Variants in GALNT17 observed in about 807,000 individuals in gnomAD.
GALNT17 encodes UDP-GalNAc:polypeptide N-acetylgalactosaminyltransferase-like 3.
A neutral mutation model predicts 63.7 loss-of-function variants in GALNT17; 29 were observed. The ratio of observed to expected loss-of-function variants is 0.46; its 90% confidence interval spans 0.34 to 0.62. GALNT17 has a LOEUF of 0.62. Ranked by LOEUF, GALNT17 falls within the 20% of genes least tolerant of loss-of-function variation. GALNT17 has a pLI of 0.01. For synonymous variants in GALNT17, 305 were observed against 318.3 expected, an observed-to-expected ratio of 0.96 and a Z score of 0.45; for missense variants, 603 against 799.6, an observed-to-expected ratio of 0.75 and a Z score of 2.97.
At chr7:71,654,654 T>C (rs954254384) in intron 6 of GALNT17, among the ~76,000 whole-genome samples, 13 of 149,262 alleles carry the variant, frequency 8.7e-5, no homozygotes, top group Non-Finnish European at 1.6e-4. Flanking sequence ...AATTTCTTGT[T>C]GTTTCACTGT....
chr7:71,481,375 C>T (rs576066458), intron 5 of GALNT17, among the ~76,000 whole-genome samples: 2 of 152,212 alleles, frequency 1.3e-5, no homozygotes, highest in South Asian at 4.2e-4. Flanking sequence ...CGCTTGAACC[C>T]GGGAGGCAGA....
chr7:71,572,261 G>A (rs1162215167), intron 6 of GALNT17, among the ~76,000 whole-genome samples: 22 of 150,370 alleles, frequency 1.5e-4, no homozygotes, highest in African/African-American at 4.4e-4. Context: ...CAGGGACTTC[G>A]GAAACCAAAT....
At chr7:71,617,148 T>A (rs1790223202) in intron 6 of GALNT17, among the ~76,000 whole-genome samples, 1 of 149,926 alleles carries the variant, frequency 6.7e-6, no homozygotes, top group South Asian at 2.1e-4. Flanking sequence ...TTTATTTACT[T>A]ATTCATTTGC....
intron 5 of GALNT17, among the ~76,000 whole-genome samples, chr7:71,476,568 G>A (rs1315019625): frequency 6.6e-6 from 1 of 152,030 alleles, no homozygotes; most frequent in Non-Finnish European, 1.5e-5. Flanking sequence ...TATGGAGTGT[G>A]GCATTCAGCA....
intron 8 of GALNT17, among the ~76,000 whole-genome samples, chr7:71,671,796 C>T (rs551167832): frequency 1.6e-4 from 24 of 152,208 alleles, no homozygotes; most frequent in African/African-American, 3.4e-4. Flanking sequence ...GAGGCCAAGG[C>T]GGGTGATCAC....
intron 1 of GALNT17, among the ~76,000 whole-genome samples, chr7:71,239,306 A>ACCC (rs1583788682): frequency 1.3e-4 from 15 of 113,332 alleles, no homozygotes; most frequent in East Asian, 4.8e-4. Context: ...CCCCCCCCCA[A>ACCC]AAAAAAATAA....
intron 1 of GALNT17, among the ~76,000 whole-genome samples, chr7:71,277,366 TA>T (rs1033159033): frequency 4.6e-5 from 7 of 152,046 alleles, no homozygotes; most frequent in African/African-American, 2.4e-5. Context: ...GGCATGAGGG[TA>T]GGAAAACCAC....
chr7:71,602,191 G>C (rs961495914), intron 6 of GALNT17, among the ~76,000 whole-genome samples: 3 of 152,222 alleles, frequency 2.0e-5, no homozygotes, highest in African/African-American at 7.2e-5. Flanking sequence ...ATCAAAATGC[G>C]TAGAGTATTT....
At chr7:71,153,212 A>G (rs1053484561) in intron 1 of GALNT17, among the ~76,000 whole-genome samples, 2 of 152,242 alleles carry the variant, frequency 1.3e-5, no homozygotes, top group African/African-American at 2.4e-5. Context: ...CCTAACATCA[A>G]TGAGCCTCAG....
intron 6 of GALNT17, among the ~76,000 whole-genome samples, chr7:71,573,963 A>G (rs1167843448): frequency 6.6e-6 from 1 of 152,156 alleles, no homozygotes; most frequent in African/African-American, 2.4e-5. Context: ...TTCGATTAGG[A>G]TAATGGCCTC....
intron 1 of GALNT17, among the ~76,000 whole-genome samples, chr7:71,220,887 T>C (rs1215140179): frequency 2.6e-5 from 4 of 152,172 alleles, no homozygotes; most frequent in African/African-American, 9.7e-5. Flanking sequence ...TACACCCCCC[T>C]CTGTATTAGT....
intron 5 of GALNT17, among the ~76,000 whole-genome samples, chr7:71,448,118 C>T (rs1486416568): frequency 6.6e-6 from 1 of 152,192 alleles, no homozygotes; most frequent in Non-Finnish European, 1.5e-5. Flanking sequence ...AATTTGAAGA[C>T]AATATTCCAT....
chr7:71,147,031 G>A (rs1452498015), intron 1 of GALNT17, among the ~76,000 whole-genome samples: 1 of 152,190 alleles, frequency 6.6e-6, no homozygotes, highest in African/African-American at 2.4e-5. Context: ...TGGTGAAAGA[G>A]CATGAATTTG....
rs144241274 is a variant in GALNT17, at chr7:71,192,460, A to G, written c.238+59420A>G. ...ACCCAGGCTAGAATGCAGTGATGCA[A>G]TCTCAGCTCACTGCAGCCTCTGCCT... On this transcript the variant is annotated intron_variant, in intron 1 of 10. Coordinates refer to ENST00000333538, the MANE Select transcript of GALNT17 (RefSeq NM_022479.3). Among the ~76,000 whole-genome samples, 1,445 of 151,832 alleles carry G rather than the reference A, an allele frequency of 9.5e-3. 25 individuals are homozygous for G. The highest frequency in any genetic ancestry group is 0.033 in the African/African-American group (1,379 of 41,374).
chr7:71,218,213 G>C (rs1789521277), intron 1 of GALNT17, among the ~76,000 whole-genome samples: 1 of 152,148 alleles, frequency 6.6e-6, no homozygotes, highest in Admixed American at 6.5e-5. Context: ...GGCCAACATG[G>C]TGAAACCCCG....
intron 5 of GALNT17, among the ~76,000 whole-genome samples, chr7:71,560,593 A>G (rs1381935573): frequency 6.6e-6 from 1 of 152,176 alleles, no homozygotes; most frequent in Non-Finnish European, 1.5e-5. Context: ...AGGCACAGGG[A>G]GCCATCATGC....
chr7:71,242,976 A>C (rs892665027), intron 1 of GALNT17, among the ~76,000 whole-genome samples: 1 of 152,164 alleles, frequency 6.6e-6, no homozygotes, highest in Admixed American at 6.5e-5. Flanking sequence ...TAGATAACCT[A>C]TCTGGTCCAC....
intron 1 of GALNT17, among the ~76,000 whole-genome samples, chr7:71,321,649 G>C (rs13236986): frequency 0.99 from 146,401 of 147,172 alleles, 72,818 homozygotes; most frequent in East Asian, 1. Context: ...GCTCTGTCAC[G>C]CAGGCTGGAG....
chr7:71,590,088 G>A (rs918829429), intron 6 of GALNT17, among the ~76,000 whole-genome samples: 1 of 152,094 alleles, frequency 6.6e-6, no homozygotes, highest in African/African-American at 2.4e-5. Flanking sequence ...CTGTAGTTAT[G>A]TAATAAACAA....
Sources: allele counts gnomAD v4.1 joint callset (sites outside exome capture counted in the v4.1 genomes callset), GRCh38; gene constraint gnomAD v4.1.1; transcripts MANE v1.5; gene names NCBI Gene and HGNC (gene_info 2026-07-23, HGNC 2026-07-21).